SMC5: variants seen among roughly 807,000 people sequenced by gnomAD.
The protein encoded by SMC5 is structural maintenance of chromosomes 5.
SMC5 carries 88 observed loss-of-function variants against 148.3 expected under a neutral mutation model. The ratio of observed to expected loss-of-function variants is 0.59; its 90% CI spans 0.50 to 0.71. SMC5 has a LOEUF of 0.71. SMC5 is among the 30% of genes least tolerant of loss of function. The pLI is 0.00. For synonymous variants in SMC5, 421 were observed against 432.8 expected (o/e 0.97, Z 0.34); for missense variants, 1,142 against 1,298.9 (o/e 0.88, Z 1.86).
chr9:70,324,134 T>A lies in SMC5; in HGVS notation c.2388T>A (p.Arg796=). ...SDYMAASSQL[R]LTEQHFIELD... is the part of the protein sequence containing the mutation. ...ATATGGCCGCATCTTCACAACTCCGTCTTACAGAGGTAAAATTTTTGCCTT... is the reference window on the plus strand; with the variant it reads ...ATATGGCCGCATCTTCACAACTCCGACTTACAGAGGTAAAATTTTTGCCTT... The change falls in exon 17 of 25, where the codon CGT becomes CGA. Residue 796 remains arginine (R), a synonymous_variant. Coordinates refer to ENST00000361138, the MANE Select transcript of SMC5 (RefSeq NM_015110.4). 6.3e-7 allele frequency: 1 copy of A among 1,586,792 alleles called. No homozygotes were observed. The highest frequency in any genetic ancestry group is 8.5e-7 in the Non-Finnish European group (1 of 1,174,128).
chr9:70,352,479 C>G lies in SMC5; in HGVS notation c.*148C>G, dbSNP rs1488575787. Reference sequence around the variant, plus strand: ...AATACAAATAGGTTGATAATGGAAACTATAATGACCTTTCCAAAATAGCAG... The same window carrying G: ...AATACAAATAGGTTGATAATGGAAAGTATAATGACCTTTCCAAAATAGCAG... On this transcript the variant is annotated 3_prime_UTR_variant, in exon 25 of 25. Transcript: ENST00000361138. 1.4e-6 allele frequency: 1 copy of G among 727,508 alleles called. No individual in the cohort carries two copies. Among genetic ancestry groups the G allele is most frequent in the African/African-American group, 1.8e-5 (1 of 56,412 alleles). 45.1% of individuals were successfully genotyped at this position (727,508 alleles called of 1,614,324 possible). A position where few individuals can be genotyped will look rare whatever the true frequency, so the allele number is the denominator to read the frequency against.
At chr9:70,280,691 T>C in intron 5 of SMC5, 68 bp from the exon 6 acceptor site, 1 of 1,441,978 alleles carries the variant, frequency 6.9e-7, no homozygotes, top group Non-Finnish European at 9.4e-7. Context: ...TTATTTTTCA[T>C]TGTTAAAAGA....
chr9:70,316,173 G>A (rs189586514), intron 13 of SMC5, among the ~76,000 whole-genome samples: 96 of 152,094 alleles, frequency 6.3e-4, no homozygotes, highest in African/African-American at 2.1e-3. Context: ...ACTCCAAACC[G>A]TATGCACTTT....
chr9:70,300,181 G>C lies in SMC5; in HGVS notation c.1445G>C (p.Cys482Ser), dbSNP rs1217350614. The C allele has an allele frequency of 6.3e-7, 1 of 1,595,468 alleles. No homozygotes were observed. The highest frequency in any genetic ancestry group is 1.1e-5 in the South Asian group (1 of 86,958). ...NNRDKFKQRV[C>S]EPIMLTINMK... is the part of the protein sequence containing the mutation. ...AGAGACAAATTTAAACAAAGAGTCT[G>C]TGAGCCCATAATGCTCACGGTAAGA... The change falls in exon 10 of 25, where the codon TGT becomes TCT. Residue 482 changes from cysteine (C) to serine (S), a missense_variant. This residue lies in a region of SMC5 where 743 missense variants were observed against 835.7 expected (regional missense o/e 0.89). Transcript: ENST00000361138.
intron 12 of SMC5, among the ~76,000 whole-genome samples, 157 bp downstream of exon 12, chr9:70,314,993 C>T (rs140995901): frequency 6.6e-6 from 1 of 152,074 alleles, no homozygotes; most frequent in East Asian, 1.9e-4. Context: ...ATAGTTAGCA[C>T]ACAGTGAGTG....
chr9:70,285,897 A>G (rs2034886314), intron 7 of SMC5, among the ~76,000 whole-genome samples: 1 of 152,178 alleles, frequency 6.6e-6, no homozygotes, highest in South Asian at 2.1e-4. Context: ...GAGCCCTACC[A>G]GTCAGTAATA....
At chr9:70,328,304 G>T (rs745730512) in intron 17 of SMC5, among the ~76,000 whole-genome samples, 7 of 152,118 alleles carry the variant, frequency 4.6e-5, no homozygotes, top group Non-Finnish European at 7.4e-5. Context: ...CTGAGACAAG[G>T]CAAGCCCTTT....
intron 9 of SMC5, 49 bp downstream of exon 9, chr9:70,298,270 C>G (rs764143231): frequency 1.3e-6 from 2 of 1,540,504 alleles, no homozygotes; most frequent in South Asian, 2.5e-5. Flanking sequence ...GTAGATACAT[C>G]TCTGTTGATG....
chr9:70,291,665 T>A (rs1437135555), intron 8 of SMC5, among the ~76,000 whole-genome samples: 1 of 152,196 alleles, frequency 6.6e-6, no homozygotes, highest in Non-Finnish European at 1.5e-5. Flanking sequence ...AACAATTGCT[T>A]CTGATTGTTT....
chr9:70,344,317 T>C, intron 18 of SMC5, 48 bp downstream of exon 18: 1 of 1,339,670 alleles, frequency 7.5e-7, no homozygotes, highest in East Asian at 2.8e-5. Context: ...TTTAACATTT[T>C]TAAGATTATG....
chr9:70,282,038 TG>T (rs946466692), intron 6 of SMC5, among the ~76,000 whole-genome samples: 4 of 140,562 alleles, frequency 2.8e-5, no homozygotes, highest in Admixed American at 7.0e-5. Context: ...ATTTTCATTT[TG>T]TTTTTTTTTT....
chr9:70,312,853 T>C (rs1294324875), intron 11 of SMC5, among the ~76,000 whole-genome samples: 3 of 152,222 alleles, frequency 2.0e-5, no homozygotes, highest in Admixed American at 2.0e-4. Flanking sequence ...TTTTTGCTTT[T>C]GTATTCCTGA....
chr9:70,315,423 C>A, intron 12 of SMC5, 23 bp from the exon 13 acceptor site: 2 of 1,491,174 alleles, frequency 1.3e-6, no homozygotes, highest in Non-Finnish European at 1.8e-6. Context: ...GAAGAAAAAT[C>A]TAATCAATAC....
At chr9:70,338,424 C>T (rs1483997931) in intron 17 of SMC5, among the ~76,000 whole-genome samples, 1 of 152,118 alleles carries the variant, frequency 6.6e-6, no homozygotes, top group Non-Finnish European at 1.5e-5. Context: ...ATTACTAGTT[C>T]ACCTCTTTCT....
chr9:70,259,672 T>G (rs1270579996), intron 1 of SMC5, among the ~76,000 whole-genome samples: 1 of 152,016 alleles, frequency 6.6e-6, no homozygotes, highest in Non-Finnish European at 1.5e-5. Context: ...GGCGGATTCT[T>G]AGGGTAGGCA....
chr9:70,352,387 A>G lies in SMC5; in HGVS notation c.*56A>G. 6.7e-7 allele frequency: 1 copy of G among 1,495,472 alleles called. No homozygotes were observed. The highest frequency in any genetic ancestry group is 9.0e-7 in the Non-Finnish European group (1 of 1,109,684). The allele number at this position is 1,495,472 out of a possible 1,614,324, so 92.6% of individuals were successfully genotyped here. A position where few individuals can be genotyped will look rare whatever the true frequency, so the allele number is the denominator to read the frequency against. ...TTTTTGTTAAATTCTGTTTATAAGTATGGCTCAACTGAATAAAAGGAGATT... is the reference window on the plus strand; with the variant it reads ...TTTTTGTTAAATTCTGTTTATAAGTGTGGCTCAACTGAATAAAAGGAGATT... On this transcript the variant is annotated 3_prime_UTR_variant, in exon 25 of 25. Coordinates refer to ENST00000361138, the MANE Select transcript of SMC5 (RefSeq NM_015110.4).
intron 1 of SMC5, 126 bp from the exon 2 acceptor site, chr9:70,264,177 TA>T (rs541617449): frequency 1.1e-4 from 89 of 787,908 alleles, no homozygotes; most frequent in African/African-American, 1.0e-3. Context: ...TAAAAACCTA[TA>T]AAAAAACATT....
At chr9:70,268,553 T>G (rs1374903531) in intron 3 of SMC5, among the ~76,000 whole-genome samples, 1 of 151,518 alleles carries the variant, frequency 6.6e-6, no homozygotes, top group Non-Finnish European at 1.5e-5. Context: ...ATACTACTAT[T>G]AAGTAGTCAT....
intron 17 of SMC5, among the ~76,000 whole-genome samples, chr9:70,329,180 A>G (rs1295018444): frequency 6.6e-6 from 1 of 152,172 alleles, no homozygotes; most frequent in Non-Finnish European, 1.5e-5. Flanking sequence ...GGCTGTTAAC[A>G]TTTGGCTCTT....
Sources: gnomAD v4.1 joint callset for allele counts (sites outside exome capture counted in the v4.1 genomes callset) on GRCh38, gnomAD v4.1.1 for gene constraint, gnomAD v4.1.1 regional missense constraint, MANE v1.5 for transcripts, NCBI Gene and HGNC (gene_info 2026-07-23, HGNC 2026-07-21) for gene names.